The following ANO4 variants were observed in gnomAD, a reference collection of about 807,000 sequenced individuals.
ANO4 encodes anoctamin-4.
In ANO4, 69 loss-of-function variants were observed where a neutral mutation model predicts 141.9. The ratio of observed to expected loss-of-function variants is 0.49; its 90% CI spans 0.40 to 0.59. The LOEUF is 0.59. ANO4 is among the 20% of genes least tolerant of loss of function. The pLI, the probability that ANO4 is intolerant of heterozygous loss-of-function variation, is 0.00. For missense variants in ANO4, 894 were observed against 1,162.2 expected (o/e 0.77, Z 3.36); for synonymous variants, 350 against 394.3 (o/e 0.89, Z 1.33).
chr12:101,074,879 T>C (rs1042550058), intron 14 of ANO4, among the ~76,000 whole-genome samples: 5 of 152,226 alleles, frequency 3.3e-5, no homozygotes, highest in African/African-American at 4.8e-5. Flanking sequence ...ATTTCATTTA[T>C]GCATTTATGG....
At chr12:101,016,047 C>G (rs1170275453) in intron 8 of ANO4, among the ~76,000 whole-genome samples, 2 of 152,164 alleles carry the variant, frequency 1.3e-5, no homozygotes, top group Non-Finnish European at 2.9e-5. Context: ...GGCAGTAGTT[C>G]AGCTGATAGC....
intron 22 of ANO4, among the ~76,000 whole-genome samples, chr12:101,106,394 T>A (rs931070646): frequency 4.6e-5 from 7 of 151,850 alleles, no homozygotes; most frequent in Admixed American, 3.9e-4. Context: ...ATAAAACAGT[T>A]AAAAGTTGAA....
intron 8 of ANO4, among the ~76,000 whole-genome samples, chr12:101,016,568 T>A (rs1357440112): frequency 6.6e-6 from 1 of 152,142 alleles, no homozygotes; most frequent in African/African-American, 2.4e-5. Context: ...CCACCAACAT[T>A]AGCTAGTGTT....
At chr12:100,916,637 T>G (rs2041355638) in intron 2 of ANO4, among the ~76,000 whole-genome samples, 1 of 152,194 alleles carries the variant, frequency 6.6e-6, no homozygotes, top group Non-Finnish European at 1.5e-5. Context: ...CTAGGTACTC[T>G]GACTCATTTT....
chr12:100,759,479 CAA>C (rs2032762704), intron 3 of ANO4, among the ~76,000 whole-genome samples: 2 of 152,128 alleles, frequency 1.3e-5, no homozygotes, highest in Non-Finnish European at 2.9e-5. Context: ...TCAGGGATAT[CAA>C]GAGGGACTGG....
intron 14 of ANO4, among the ~76,000 whole-genome samples, chr12:101,077,651 C>T: frequency 6.6e-6 from 1 of 151,818 alleles, no homozygotes; most frequent in Non-Finnish European, 1.5e-5. Context: ...ATTAAATGCC[C>T]CAGGAGGCCT....
At chr12:100,945,915 G>T (rs1228115542) in intron 5 of ANO4, among the ~76,000 whole-genome samples, 15 of 150,294 alleles carry the variant, frequency 1.0e-4, no homozygotes. Flanking sequence ...AAATAAAACA[G>T]AAAAAAAAAT....
chr12:100,928,423 G>A (rs986051626), intron 3 of ANO4, among the ~76,000 whole-genome samples: 1 of 151,760 alleles, frequency 6.6e-6, no homozygotes, highest in African/African-American at 2.4e-5. Context: ...ATTCTGTCTG[G>A]GAAATTGTAT....
chr12:101,057,393 T>C (rs2048167773), intron 14 of ANO4, among the ~76,000 whole-genome samples: 1 of 152,186 alleles, frequency 6.6e-6, no homozygotes, highest in Non-Finnish European at 1.5e-5. Context: ...CTGGGTCAAA[T>C]GGTATTTCTG....
At chr12:100,819,832 G>A (rs2035937959) in intron 1 of ANO4, among the ~76,000 whole-genome samples, 1 of 151,780 alleles carries the variant, frequency 6.6e-6, no homozygotes, top group South Asian at 2.1e-4. Flanking sequence ...TCCTCTTCTT[G>A]TCTTGTTTCC....
chr12:100,802,239 A>G (rs2034742806), intron 1 of ANO4, among the ~76,000 whole-genome samples: 2 of 152,174 alleles, frequency 1.3e-5, no homozygotes, highest in Admixed American at 6.5e-5. Context: ...ACTTTGTGCT[A>G]TTTACAAGGA....
At chr12:100,821,631 G>A (rs4764624) in intron 1 of ANO4, among the ~76,000 whole-genome samples, 81,648 of 151,620 alleles carry the variant, frequency 0.54, 22,345 homozygotes, top group East Asian at 0.71. Context: ...TTCTCAATGA[G>A]TTTGTCTTGA....
intron 5 of ANO4, among the ~76,000 whole-genome samples, chr12:100,962,388 A>T (rs1475470453): frequency 1.3e-5 from 2 of 152,214 alleles, no homozygotes; most frequent in African/African-American, 4.8e-5. Context: ...TAGAGTATTC[A>T]TTAGCTGGAA....
At chr12:100,830,595 A>G (rs748496104) in intron 1 of ANO4, among the ~76,000 whole-genome samples, 19 of 152,002 alleles carry the variant, frequency 1.2e-4, no homozygotes, top group African/African-American at 2.7e-4. Flanking sequence ...CAGCAGATGA[A>G]CTGCCCCGGG....
In ANO4 at chr12:100,903,074, ATAAT is replaced by A. The variant is rs1224653799; in HGVS notation, c.55+1236_55+1239del. On this transcript the variant is annotated intron_variant, in intron 2 of 27. Coordinates refer to ENST00000392977, the MANE Select transcript of ANO4 (RefSeq NM_001286615.2). ...CTTCCAAGCCAAACTTCTGAAAATA[ATAAT>A]TTACTTTTGATTGCTCTGTTCTGTC... Among the ~76,000 whole-genome samples the A allele has an allele frequency of 2.0e-5, 3 of 152,170 alleles. No homozygotes were observed. The East Asian group carries it at 5.8e-4, about 29-fold the overall frequency.
intron 5 of ANO4, among the ~76,000 whole-genome samples, chr12:100,948,379 C>G (rs2042829094): frequency 6.6e-6 from 1 of 152,020 alleles, no homozygotes; most frequent in Non-Finnish European, 1.5e-5. Context: ...TTATGGATCT[C>G]TGTTTCCATT....
intron 11 of ANO4, among the ~76,000 whole-genome samples, chr12:101,042,103 A>T (rs543088255): frequency 6.6e-6 from 1 of 152,276 alleles, no homozygotes; most frequent in African/African-American, 2.4e-5. Flanking sequence ...ATAAGCTTGT[A>T]TACAACCATG....
At chr12:101,015,501 A>G (rs980365520) in intron 8 of ANO4, among the ~76,000 whole-genome samples, 4 of 152,162 alleles carry the variant, frequency 2.6e-5, no homozygotes, top group Admixed American at 6.5e-5. Flanking sequence ...TTCTTATCCT[A>G]TCCCCCACTG....
At chr12:100,825,792 T>TG (rs1303965866) in intron 1 of ANO4, among the ~76,000 whole-genome samples, 3 of 152,114 alleles carry the variant, frequency 2.0e-5, no homozygotes, top group Non-Finnish European at 1.5e-5. Flanking sequence ...TCTTCAGCTT[T>TG]TACAAAGGGA....
Sources: allele counts gnomAD v4.1 joint callset (sites outside exome capture counted in the v4.1 genomes callset), GRCh38; gene constraint gnomAD v4.1.1; transcripts MANE v1.5; gene names NCBI Gene and HGNC (gene_info 2026-07-23, HGNC 2026-07-21).